Variants in COMMD10 observed in about 807,000 individuals in gnomAD.
COMMD10 encodes COMM domain containing 10, also known as COMM domain-containing protein 10.
In COMMD10, 33 loss-of-function variants were observed where a neutral mutation model predicts 28.9. The observed-to-expected ratio is 1.14, with a 90% CI of 0.87 to 1.53. The LOEUF (loss-of-function observed/expected upper bound fraction) is 1.53. Ranked by LOEUF, COMMD10 falls within the 40% of genes most tolerant of loss-of-function variation. The probability of loss-of-function intolerance (pLI) is 0.00; values close to 1 mark genes in which losing one functional copy is unlikely to be tolerated. For synonymous variants in COMMD10, 110 were observed against 81.7 expected (o/e 1.35, Z -1.87); for missense variants, 310 against 233.4 (o/e 1.33, Z -2.14).
chr5:116,260,451 C>T (rs1285620207), intron 5 of COMMD10, among the ~76,000 whole-genome samples: 1 of 151,778 alleles, frequency 6.6e-6, no homozygotes. Flanking sequence ...TTGACATATT[C>T]AGTGTGGACC....
At chr5:116,160,822 C>T (rs1254407764) in intron 5 of COMMD10, among the ~76,000 whole-genome samples, 1 of 152,132 alleles carries the variant, frequency 6.6e-6, no homozygotes, top group Admixed American at 6.6e-5. Context: ...GTTTCAGGTT[C>T]TGTTTTCTGC....
intron 5 of COMMD10, among the ~76,000 whole-genome samples, chr5:116,176,151 T>C (rs1753503669): frequency 6.6e-6 from 1 of 152,178 alleles, no homozygotes; most frequent in Non-Finnish European, 1.5e-5. Context: ...TGTCTTTGTC[T>C]CCCAGGCTGG....
At chr5:116,167,342 A>G (rs774165831) in intron 5 of COMMD10, among the ~76,000 whole-genome samples, 14 of 152,132 alleles carry the variant, frequency 9.2e-5, no homozygotes, top group Admixed American at 2.0e-4. Flanking sequence ...ATATGGGACT[A>G]TGTGAAAAGA....
intron 5 of COMMD10, among the ~76,000 whole-genome samples, chr5:116,172,671 G>A (rs189653207): frequency 9.2e-5 from 14 of 152,234 alleles, no homozygotes; most frequent in South Asian, 8.3e-4. Flanking sequence ...ATACTCCAGG[G>A]TATCTTTTAG....
rs762155720 is a variant in COMMD10 at position 116,278,188 on chromosome 5, T to C, written c.511-13329T>C. 3.3e-5 allele frequency among the ~76,000 whole-genome samples: 5 copies of C among 151,826 alleles called. 1 individual carries two copies. Among genetic ancestry groups the C allele is most frequent in the African/African-American group, 4.9e-5 (2 of 41,176 alleles). ...GAAAAATATACCATTACCTATAGTA[T>C]TGAGTACAGAAAAAGCTCCATTGTT... On this transcript the variant is annotated intron_variant, in intron 5 of 6. Coordinates refer to ENST00000274458, the MANE Select transcript of COMMD10 (RefSeq NM_016144.4).
At chr5:116,230,681 G>A (rs1749507695) in intron 5 of COMMD10, among the ~76,000 whole-genome samples, 1 of 151,946 alleles carries the variant, frequency 6.6e-6, no homozygotes, top group Non-Finnish European at 1.5e-5. Context: ...AAAGATTGAA[G>A]GAAAGCAGTC....
At chr5:116,145,990 A>T (rs555024700) in intron 5 of COMMD10, among the ~76,000 whole-genome samples, 18 of 152,034 alleles carry the variant, frequency 1.2e-4, no homozygotes, top group African/African-American at 3.9e-4. Context: ...ATGCAGTAAT[A>T]CAGCTTTCCT....
chr5:116,174,912 T>G (rs1753452926), intron 5 of COMMD10, among the ~76,000 whole-genome samples: 1 of 152,190 alleles, frequency 6.6e-6, no homozygotes, highest in Admixed American at 6.5e-5. Flanking sequence ...TGAAACTCCT[T>G]TAAGCAATTT....
At chr5:116,096,922 C>G (rs1422642935) in intron 4 of COMMD10, among the ~76,000 whole-genome samples, 1 of 151,804 alleles carries the variant, frequency 6.6e-6, no homozygotes, top group African/African-American at 2.4e-5. Context: ...AAATTCTTGG[C>G]TTTTTAATAG....
At chr5:116,236,711 T>A (rs939007305) in intron 5 of COMMD10, among the ~76,000 whole-genome samples, 2 of 151,894 alleles carry the variant, frequency 1.3e-5, no homozygotes, top group African/African-American at 4.8e-5. Flanking sequence ...GGAACACAGA[T>A]GATTTTTAGG....
chr5:116,210,724 AC>A (rs1253837076), intron 5 of COMMD10, among the ~76,000 whole-genome samples: 3 of 152,106 alleles, frequency 2.0e-5, no homozygotes, highest in Non-Finnish European at 4.4e-5. Context: ...TATCACTGCC[AC>A]CTTATTTCAA....
chr5:116,251,294 A>ATTTT lies in COMMD10; in HGVS notation c.511-40220_511-40219insTTTT, dbSNP rs1554055497. Among the ~76,000 whole-genome samples the ATTTT allele has an allele frequency of 4.5e-4, 59 of 131,510 alleles. 3 individuals are homozygous for ATTTT. Among genetic ancestry groups the ATTTT allele is most frequent in the African/African-American group, 1.5e-3 (55 of 35,812 alleles). 86.3% of individuals were successfully genotyped at this position (131,510 alleles called of 152,430 possible). On this transcript the variant is annotated intron_variant, in intron 5 of 6. Coordinates refer to ENST00000274458, the MANE Select transcript of COMMD10 (RefSeq NM_016144.4). ...TATTTATTTATTTATTTATTTATTT[A>ATTTT]TTTATTTATTATTATACTTTAAGTT...
chr5:116,284,887 G>A (rs1751177451), intron 5 of COMMD10, among the ~76,000 whole-genome samples: 1 of 151,860 alleles, frequency 6.6e-6, no homozygotes, highest in East Asian at 1.9e-4. Flanking sequence ...AACTTTCATT[G>A]AACTTAATGC....
At chr5:116,143,479 T>G (rs925465984) in intron 5 of COMMD10, among the ~76,000 whole-genome samples, 1 of 151,748 alleles carries the variant, frequency 6.6e-6, no homozygotes, top group Admixed American at 6.6e-5. Context: ...TTTTAAAAAT[T>G]TTGTGGGATT....
chr5:116,212,255 A>G (rs548272003), intron 5 of COMMD10, among the ~76,000 whole-genome samples: 3 of 152,236 alleles, frequency 2.0e-5, no homozygotes, highest in Non-Finnish European at 2.9e-5. Flanking sequence ...CACAGCTACA[A>G]TTTGATAAGC....
intron 4 of COMMD10, among the ~76,000 whole-genome samples, chr5:116,101,739 A>G (rs952085045): frequency 6.6e-6 from 1 of 152,158 alleles, no homozygotes; most frequent in African/African-American, 2.4e-5. Context: ...TCACTTTTTA[A>G]TAGCCATTCT....
At chr5:116,136,354 A>T (rs894594419) in intron 5 of COMMD10, among the ~76,000 whole-genome samples, 11 of 152,196 alleles carry the variant, frequency 7.2e-5, no homozygotes, top group Admixed American at 6.5e-5. Context: ...GTGAAAATAC[A>T]TACATACATG....
intron 5 of COMMD10, among the ~76,000 whole-genome samples, chr5:116,265,927 A>G (rs1750572585): frequency 6.6e-6 from 1 of 151,842 alleles, no homozygotes; most frequent in African/African-American, 2.4e-5. Flanking sequence ...AAAAGTGGTA[A>G]TACATATTCA....
intron 5 of COMMD10, among the ~76,000 whole-genome samples, chr5:116,171,975 T>TA (rs1347391624): frequency 1.3e-5 from 2 of 152,210 alleles, no homozygotes; most frequent in African/African-American, 4.8e-5. Context: ...TAAATTATAA[T>TA]AAAAAAATCT....
Sources: gnomAD v4.1 joint callset for allele counts (sites outside exome capture counted in the v4.1 genomes callset) on GRCh38, gnomAD v4.1.1 for gene constraint, MANE v1.5 for transcripts, NCBI Gene and HGNC (gene_info 2026-07-23, HGNC 2026-07-21) for gene names.